CCSER1: variants seen among roughly 807,000 people sequenced by gnomAD.
CCSER1 encodes the protein serine-rich coiled-coil domain-containing protein 1.
A neutral mutation model predicts 82.0 loss-of-function variants in CCSER1; 41 were observed. The observed-to-expected ratio is 0.50, with a 90% CI of 0.39 to 0.65. The LOEUF is 0.65. Among genes scored for constraint, CCSER1 ranks in the 30% least tolerant of loss-of-function variants. The pLI, the probability that CCSER1 is intolerant of heterozygous loss-of-function variation, is 0.00. For synonymous variants in CCSER1, 414 were observed against 383.9 expected, an observed-to-expected ratio of 1.08 and a Z score of -0.92; for missense variants, 1,119 against 1,064.2, an observed-to-expected ratio of 1.05 and a Z score of -0.72.
intron 1 of CCSER1, among the ~76,000 whole-genome samples, chr4:90,207,852 C>G (rs1183942714): frequency 1.3e-5 from 2 of 152,190 alleles, no homozygotes; most frequent in Non-Finnish European, 2.9e-5. Context: ...AGATTGCTGC[C>G]TATTCCTTCT....
intron 9 of CCSER1, among the ~76,000 whole-genome samples, chr4:91,037,232 TCACA>T (rs3043087): frequency 0.028 from 4,042 of 146,220 alleles, 111 homozygotes; most frequent in African/African-American, 0.069. Flanking sequence ...TCTATCTCTG[TCACA>T]CACACACACA....
intron 6 of CCSER1, among the ~76,000 whole-genome samples, chr4:90,718,769 G>T (rs1742140446): frequency 1.3e-5 from 2 of 151,974 alleles, no homozygotes; most frequent in African/African-American, 2.4e-5. Flanking sequence ...TGCTAATGAA[G>T]AATTTTTAAA....
intron 5 of CCSER1, among the ~76,000 whole-genome samples, chr4:90,529,671 C>CT (rs535791049): frequency 2.0e-5 from 3 of 151,954 alleles, no homozygotes; most frequent in African/African-American, 4.8e-5. Flanking sequence ...GAATATGCTG[C>CT]TTTTTTTGGC....
chr4:91,055,130 C>G (rs1743332087), intron 9 of CCSER1, among the ~76,000 whole-genome samples: 1 of 151,864 alleles, frequency 6.6e-6, no homozygotes, highest in African/African-American at 2.4e-5. Context: ...TTTCTCATCC[C>G]TTTTGTGTTT....
intron 7 of CCSER1, among the ~76,000 whole-genome samples, chr4:90,808,177 T>A (rs1342566635): frequency 6.6e-6 from 1 of 152,048 alleles, no homozygotes; most frequent in African/African-American, 2.4e-5. Flanking sequence ...GCTGGAAAAA[T>A]TGGATAGCCA....
At chr4:90,985,029 G>A (rs1158461916) in intron 9 of CCSER1, among the ~76,000 whole-genome samples, 1 of 151,760 alleles carries the variant, frequency 6.6e-6, no homozygotes, top group Non-Finnish European at 1.5e-5. Flanking sequence ...TGCCTGACAG[G>A]TTTTGGATTG....
In CCSER1 at chr4:90,792,490, C is replaced by A. The variant is rs139062390; in HGVS notation, c.2011-23272C>A. 4.8e-3 allele frequency among the ~76,000 whole-genome samples: 725 copies of A among 152,282 alleles called. 4 individuals are homozygous for A. The highest frequency in any genetic ancestry group is 0.017 in the African/African-American group (695 of 41,550). ...TTCCCTGTGTCTGAAATGTACAGGG[C>A]CCCAGAGATGGCTCAGCTTCTTTCT... is the stretch of plus-strand genomic sequence containing the variant. On this transcript the variant is annotated intron_variant, in intron 7 of 10. Coordinates refer to ENST00000509176, the MANE Select transcript of CCSER1 (RefSeq NM_001145065.2).
intron 10 of CCSER1, among the ~76,000 whole-genome samples, chr4:91,293,851 G>A (rs1325106532): frequency 1.3e-5 from 2 of 151,866 alleles, no homozygotes; most frequent in East Asian, 1.9e-4. Context: ...AAGTTTAAAA[G>A]CCTTTAAAAA....
rs188686996 is a variant in CCSER1, at chr4:91,190,646, T to C, written c.2217+104652T>C. ...AAGGAATGACCTCTCTGAGACTGTATGCATATGCCTTTCCTACAGAAATAA... is the reference window on the plus strand; with the variant it reads ...AAGGAATGACCTCTCTGAGACTGTACGCATATGCCTTTCCTACAGAAATAA... On this transcript the variant is annotated intron_variant, in intron 10 of 10. Coordinates refer to ENST00000509176, the MANE Select transcript of CCSER1 (RefSeq NM_001145065.2). Among the ~76,000 whole-genome samples the C allele has an allele frequency of 2.6e-5, 4 of 152,338 alleles. No individual in the cohort carries two copies. In the East Asian group the frequency reaches 7.7e-4, roughly 29 times the overall value.
intron 7 of CCSER1, among the ~76,000 whole-genome samples, chr4:90,754,247 A>C (rs1749152128): frequency 6.6e-6 from 1 of 152,190 alleles, no homozygotes; most frequent in Non-Finnish European, 1.5e-5. Context: ...AATGACTGGC[A>C]CAGAAAACCT....
intron 10 of CCSER1, among the ~76,000 whole-genome samples, chr4:91,432,551 G>T (rs1754390554): frequency 6.6e-6 from 1 of 152,044 alleles, no homozygotes; most frequent in Non-Finnish European, 1.5e-5. Flanking sequence ...CTCATCTAGA[G>T]AATATGCTAT....
At chr4:90,979,606 A>G (rs1280461173) in intron 9 of CCSER1, among the ~76,000 whole-genome samples, 1 of 151,722 alleles carries the variant, frequency 6.6e-6, no homozygotes, top group Non-Finnish European at 1.5e-5. Flanking sequence ...AGAGAATTAC[A>G]CTTCTCCATC....
intron 9 of CCSER1, among the ~76,000 whole-genome samples, chr4:90,964,694 C>T (rs1488786566): frequency 2.3e-5 from 3 of 129,194 alleles, no homozygotes; most frequent in African/African-American, 8.8e-5. Flanking sequence ...CACTGCATTC[C>T]AGCCTGGGCG....
At chr4:90,693,210 C>T (rs3733451) in intron 6 of CCSER1, among the ~76,000 whole-genome samples, 91,290 of 151,724 alleles carry the variant, frequency 0.6, 27,663 homozygotes, top group African/African-American at 0.67. Flanking sequence ...AGGCCTTTTA[C>T]GTATATGTAC....
At chr4:91,383,090 A>C (rs1293842735) in intron 10 of CCSER1, among the ~76,000 whole-genome samples, 1 of 152,086 alleles carries the variant, frequency 6.6e-6, no homozygotes, top group East Asian at 1.9e-4. Flanking sequence ...TCAGTGTAGC[A>C]TAAACATAAC....
chr4:90,969,930 A>G, intron 9 of CCSER1, among the ~76,000 whole-genome samples: 1 of 151,662 alleles, frequency 6.6e-6, no homozygotes, highest in East Asian at 1.9e-4. Context: ...CATAAGAAAT[A>G]AAAAAAACCT....
At chr4:90,480,396 T>G (rs1446004115) in intron 5 of CCSER1, among the ~76,000 whole-genome samples, 2 of 152,208 alleles carry the variant, frequency 1.3e-5, no homozygotes, top group Non-Finnish European at 2.9e-5. Flanking sequence ...ATCCCATTTG[T>G]CACTTTTGGC....
intron 9 of CCSER1, among the ~76,000 whole-genome samples, chr4:91,051,282 G>A (rs1307672338): frequency 1.3e-5 from 2 of 151,986 alleles, no homozygotes; most frequent in South Asian, 2.1e-4. Flanking sequence ...AAATGAATAT[G>A]AAAAAATATC....
At chr4:90,234,049 CAA>C (rs1745255343) in intron 1 of CCSER1, among the ~76,000 whole-genome samples, 1 of 152,038 alleles carries the variant, frequency 6.6e-6, no homozygotes, top group African/African-American at 2.4e-5. Flanking sequence ...CAATGGAAAA[CAA>C]ATACTTTTGA....
Sources: gnomAD v4.1 joint callset for allele counts (sites outside exome capture counted in the v4.1 genomes callset) on GRCh38, gnomAD v4.1.1 for gene constraint, MANE v1.5 for transcripts, NCBI Gene and HGNC (gene_info 2026-07-23, HGNC 2026-07-21) for gene names.